CDH13: variants seen among roughly 807,000 people sequenced by gnomAD.
CDH13 encodes the protein cadherin-13.
CDH13 carries 24 observed loss-of-function variants against 63.8 expected under a neutral mutation model. The observed-to-expected ratio is 0.38, with a 90% confidence interval of 0.27 to 0.53. The LOEUF is 0.53. CDH13 is among the 20% of genes least tolerant of loss of function. CDH13 has a pLI of 0.85. For missense variants in CDH13, 1,049 were observed against 903.1 expected, an observed-to-expected ratio of 1.16 and a Z score of -2.07; for synonymous variants, 503 against 355.3, an observed-to-expected ratio of 1.42 and a Z score of -4.67.
intron 5 of CDH13, among the ~76,000 whole-genome samples, chr16:83,267,498 C>G (rs2088660322): frequency 6.6e-6 from 1 of 152,128 alleles, no homozygotes; most frequent in Non-Finnish European, 1.5e-5. Context: ...AATTTAATTG[C>G]CACTGTGATG....
intron 5 of CDH13, among the ~76,000 whole-genome samples, chr16:83,268,586 T>G (rs2088696839): frequency 1.3e-5 from 2 of 152,216 alleles, no homozygotes; most frequent in South Asian, 2.1e-4. Flanking sequence ...AAAGTCTACG[T>G]TTCTACGTTT....
intron 2 of CDH13, among the ~76,000 whole-genome samples, chr16:82,971,994 G>T (rs1908825987): frequency 6.6e-6 from 1 of 152,194 alleles, no homozygotes; most frequent in South Asian, 2.1e-4. Context: ...TCCCATTATT[G>T]CTGGGCCCTG....
chr16:82,870,489 G>T (rs1186294680), intron 2 of CDH13, among the ~76,000 whole-genome samples: 2 of 152,178 alleles, frequency 1.3e-5, no homozygotes, highest in Non-Finnish European at 2.9e-5. Context: ...GAAAGGGCTG[G>T]AAGGGTCCTG....
chr16:83,347,175 A>G (rs2090857007), intron 6 of CDH13, among the ~76,000 whole-genome samples: 1 of 152,218 alleles, frequency 6.6e-6, no homozygotes, highest in Admixed American at 6.5e-5. Flanking sequence ...AGAAGACGGT[A>G]TCCTCTTTCC....
intron 1 of CDH13, among the ~76,000 whole-genome samples, chr16:82,854,582 A>G (rs942551986): frequency 1.3e-5 from 2 of 152,202 alleles, no homozygotes; most frequent in South Asian, 4.1e-4. Flanking sequence ...AGAGCCACAA[A>G]ATAATTCACG....
intron 10 of CDH13, among the ~76,000 whole-genome samples, chr16:83,747,719 C>CT (rs1355050541): frequency 6.7e-6 from 1 of 149,134 alleles, no homozygotes; most frequent in East Asian, 2.0e-4. Context: ...ATGTGCCCTG[C>CT]TTGTACCTTC....
chr16:83,015,013 G>T (rs979003627), intron 2 of CDH13, among the ~76,000 whole-genome samples: 1 of 150,598 alleles, frequency 6.6e-6, no homozygotes, highest in Admixed American at 6.6e-5. Context: ...GAGATAATAT[G>T]CAGTCATAAA....
intron 1 of CDH13, among the ~76,000 whole-genome samples, chr16:82,717,621 G>A (rs1282919722): frequency 6.6e-6 from 1 of 152,076 alleles, no homozygotes; most frequent in African/African-American, 2.4e-5. Flanking sequence ...TCTAGTCCCT[G>A]GCTCCGTGGT....
chr16:82,836,183 T>A (rs1052786940), intron 1 of CDH13, among the ~76,000 whole-genome samples: 1 of 152,090 alleles, frequency 6.6e-6, no homozygotes, highest in Non-Finnish European at 1.5e-5. Context: ...CTGGAGTGCA[T>A]TGGCGCCCAG....
intron 2 of CDH13, among the ~76,000 whole-genome samples, chr16:82,923,723 G>C (rs1567665142): frequency 6.6e-6 from 1 of 152,328 alleles, no homozygotes. Flanking sequence ...ATGCAGTGAA[G>C]CGGCTCTTAA....
chr16:82,733,989 AC>A (rs1288618495), intron 1 of CDH13, among the ~76,000 whole-genome samples: 1 of 152,098 alleles, frequency 6.6e-6, no homozygotes, highest in Non-Finnish European at 1.5e-5. Flanking sequence ...TGTAGAGAAA[AC>A]AGAGTATACC....
intron 4 of CDH13, among the ~76,000 whole-genome samples, chr16:83,207,406 C>G (rs1455053277): frequency 6.6e-6 from 1 of 152,214 alleles, no homozygotes; most frequent in Non-Finnish European, 1.5e-5. Context: ...CAATAGGTAT[C>G]AGCATCTCCT....
intron 7 of CDH13, among the ~76,000 whole-genome samples, chr16:83,499,837 T>C (rs1385312098): frequency 1.3e-5 from 2 of 152,108 alleles, no homozygotes; most frequent in Non-Finnish European, 2.9e-5. Flanking sequence ...AGTCTCGCTA[T>C]TATTGCTCAA....
chr16:82,667,736 G>A (rs996716794), intron 1 of CDH13, among the ~76,000 whole-genome samples: 2 of 151,962 alleles, frequency 1.3e-5, no homozygotes, highest in African/African-American at 4.8e-5. Context: ...CTATGGAGCC[G>A]CCCCCCGCCT....
intron 2 of CDH13, among the ~76,000 whole-genome samples, chr16:83,011,513 G>A (rs1030455721): frequency 6.6e-6 from 1 of 152,098 alleles, no homozygotes; most frequent in Non-Finnish European, 1.5e-5. Flanking sequence ...GACCCATGTT[G>A]CTTCTGGGTC....
chr16:83,443,693 C>T (rs573337028), intron 6 of CDH13, among the ~76,000 whole-genome samples: 7 of 128,022 alleles, frequency 5.5e-5, no homozygotes, highest in Admixed American at 1.6e-4. Context: ...CAACAGAGTG[C>T]GAAGTCCCTA....
At chr16:82,847,952 G>T (rs189255532) in intron 1 of CDH13, among the ~76,000 whole-genome samples, 2 of 147,816 alleles carry the variant, frequency 1.4e-5, no homozygotes, top group East Asian at 4.0e-4. Context: ...GAAGATTTGT[G>T]GTGTTGAAGT....
chr16:82,844,674 C>G (rs1278059392), intron 1 of CDH13: 1 of 133,388 alleles, frequency 7.5e-6, no homozygotes, highest in African/African-American at 2.9e-5. Flanking sequence ...GAGTCTCGCT[C>G]TGTCACCCAG....
chr16:83,029,784 AGTTGGTT>A (rs1359803669), intron 2 of CDH13, among the ~76,000 whole-genome samples: 1 of 151,546 alleles, frequency 6.6e-6, no homozygotes, highest in Non-Finnish European at 1.5e-5. Flanking sequence ...GTTGCTGGAC[AGTTGGTT>A]GTGCTTACTT....
Sources: allele counts gnomAD v4.1 joint callset (sites outside exome capture counted in the v4.1 genomes callset), GRCh38; gene constraint gnomAD v4.1.1; transcripts MANE v1.5; gene names NCBI Gene and HGNC (gene_info 2026-07-23, HGNC 2026-07-21).